DPY19L3: variants seen among roughly 807,000 people sequenced by gnomAD.
DPY19L3 encodes the protein protein C-mannosyl-transferase DPY19L3.
A neutral mutation model predicts 92.3 loss-of-function variants in DPY19L3; 51 were observed. That is an observed-to-expected ratio of 0.55 (90% CI 0.44 to 0.70). The LOEUF (loss-of-function observed/expected upper bound fraction) is 0.70. DPY19L3 is among the 30% of genes least tolerant of loss of function. The probability of loss-of-function intolerance (pLI) is 0.00; values close to 1 mark genes in which losing one functional copy is unlikely to be tolerated. For missense variants in DPY19L3, 706 were observed against 855.9 expected, an observed-to-expected ratio of 0.82 and a Z score of 2.18; for synonymous variants, 309 against 315.2, an observed-to-expected ratio of 0.98 and a Z score of 0.21.
chr19:32,477,600 C>T lies in DPY19L3; in HGVS notation c.1776C>T (p.Thr592=), dbSNP rs1338698356. 7 of 1,613,934 alleles carry T rather than the reference C, an allele frequency of 4.3e-6. No individual in the cohort carries two copies. The South Asian group carries it at 7.7e-5, about 18-fold the overall frequency. ...LAGVKLCTGR[T]LTNHPHYEDS... ...GAGTCAAGCTGTGCACGGGAAGGAC[C>T]CTAACCAACCACCCGCACTATGAAG... The change falls in exon 17 of 19, where the codon ACC becomes ACT. Residue 592 remains threonine, a synonymous_variant. Coordinates refer to ENST00000392250, the MANE Select transcript of DPY19L3 (RefSeq NM_001172774.2).
chr19:32,411,195 T>G (rs1349253176), intron 2 of DPY19L3, 44 bp from the exon 3 acceptor site: 1 of 1,575,818 alleles, frequency 6.3e-7, no homozygotes, highest in Admixed American at 1.8e-5. Flanking sequence ...ACATTCTGAT[T>G]TTTTTACTGA....
At chr19:32,431,055 T>C (rs1051869062) in intron 3 of DPY19L3, among the ~76,000 whole-genome samples, 6 of 152,258 alleles carry the variant, frequency 3.9e-5, no homozygotes, top group South Asian at 4.1e-4. Flanking sequence ...CTTTCCCCCA[T>C]TGGGTTTGTG....
chr19:32,416,762 AAG>A (rs1352375111), intron 3 of DPY19L3, among the ~76,000 whole-genome samples: 8 of 152,188 alleles, frequency 5.3e-5, no homozygotes, highest in Non-Finnish European at 1.0e-4. Flanking sequence ...GAGCCAACCA[AAG>A]AAGCTCTTCT....
At chr19:32,448,294 G>C (rs1342316260) in intron 8 of DPY19L3, among the ~76,000 whole-genome samples, 1 of 152,130 alleles carries the variant, frequency 6.6e-6, no homozygotes, top group Non-Finnish European at 1.5e-5. Context: ...TGGTTATTAT[G>C]AATGGTGATG....
rs1321458873 is a variant in DPY19L3, at chr19:32,483,214, C to T, written c.*974C>T. 1 of 152,204 alleles carries T rather than the reference C, an allele frequency of 6.6e-6. No homozygotes were observed. The highest frequency in any genetic ancestry group is 1.5e-5 in the Non-Finnish European group (1 of 68,004). The allele number at this position is 152,204 out of a possible 1,614,324, so 9.4% of individuals were successfully genotyped here. A position where few individuals can be genotyped will look rare whatever the true frequency, so the allele number is the denominator to read the frequency against. The stretch of plus-strand genomic sequence containing the variant: ...TCACTAATACAGTATTTTTAGCAGA[C>T]AGCATTTTCAGACAGCATTTTCATA... On this transcript the variant is annotated 3_prime_UTR_variant, in exon 19 of 19. Coordinates refer to ENST00000392250, the MANE Select transcript of DPY19L3 (RefSeq NM_001172774.2).
chr19:32,451,485 G>A (rs1382563220), intron 8 of DPY19L3, among the ~76,000 whole-genome samples: 1 of 152,142 alleles, frequency 6.6e-6, no homozygotes, highest in Non-Finnish European at 1.5e-5. Flanking sequence ...CTAAGCAAAA[G>A]CACTGAACTG....
chr19:32,457,449 C>T lies in DPY19L3; in HGVS notation c.1090-651C>T, dbSNP rs1969901256. 2.6e-5 allele frequency among the ~76,000 whole-genome samples: 4 copies of T among 152,274 alleles called. No individual in the cohort carries two copies. The South Asian group carries it at 8.3e-4, about 32-fold the overall frequency. ...ATCTCTAATGAATATATTGTGTGTACTGAACTCAATTTTAGCTTCATCTTT... is the reference window on the plus strand; with the variant it reads ...ATCTCTAATGAATATATTGTGTGTATTGAACTCAATTTTAGCTTCATCTTT... On this transcript the variant is annotated intron_variant, in intron 10 of 18. Coordinates refer to ENST00000392250, the MANE Select transcript of DPY19L3 (RefSeq NM_001172774.2).
rs71336904 is a variant in DPY19L3, at chr19:32,445,440, CAAAA to C, written c.855+5548_855+5551del. The stretch of plus-strand genomic sequence containing the variant: ...TGGGGGACAGAGCGAGACTTCATCT[CAAAA>C]AAAAAAAAAAAAAAAAACCATCAAC... On this transcript the variant is annotated intron_variant, in intron 8 of 18. Coordinates refer to ENST00000392250, the MANE Select transcript of DPY19L3 (RefSeq NM_001172774.2). Among the ~76,000 whole-genome samples the C allele has an allele frequency of 6.8e-3, 292 of 42,836 alleles. 9 individuals carry two copies. Among genetic ancestry groups the C allele is most frequent in the African/African-American group, 0.03 (259 of 8,734 alleles). The allele number at this position is 42,836 out of a possible 152,430, so 28.1% of individuals were successfully genotyped here.
At chr19:32,475,479 A>G (rs865949734) in intron 16 of DPY19L3, among the ~76,000 whole-genome samples, 2 of 152,244 alleles carry the variant, frequency 1.3e-5, no homozygotes, top group African/African-American at 2.4e-5. Flanking sequence ...AAGTTATCGT[A>G]TCGTTGATTG....
At chr19:32,444,795 A>G (rs1201716223) in intron 8 of DPY19L3, among the ~76,000 whole-genome samples, 1 of 151,740 alleles carries the variant, frequency 6.6e-6, no homozygotes, top group Non-Finnish European at 1.5e-5. Context: ...ATCAAAATCA[A>G]GGAGGGGCTG....
At chr19:32,453,458 G>A (rs1969771393) in intron 9 of DPY19L3, among the ~76,000 whole-genome samples, 182 bp downstream of exon 9, 1 of 152,116 alleles carries the variant, frequency 6.6e-6, no homozygotes, top group African/African-American at 2.4e-5. Flanking sequence ...AGCTTTCTGG[G>A]TCATCCTTTT....
At chr19:32,469,719 G>A (rs1263306223) in intron 16 of DPY19L3, among the ~76,000 whole-genome samples, 2 of 151,962 alleles carry the variant, frequency 1.3e-5, no homozygotes, top group Non-Finnish European at 2.9e-5. Flanking sequence ...TCTTATTTCT[G>A]CCGGCACTTT....
At chr19:32,412,381 TA>T (rs1968216436) in intron 3 of DPY19L3, 1 of 150,606 alleles carries the variant, frequency 6.6e-6, no homozygotes, top group Non-Finnish European at 1.5e-5. Context: ...TTTATATATA[TA>T]TATATATGCA....
intron 3 of DPY19L3, among the ~76,000 whole-genome samples, chr19:32,418,369 G>C (rs1968447321): frequency 6.6e-6 from 1 of 152,234 alleles, no homozygotes; most frequent in Non-Finnish European, 1.5e-5. Context: ...AGATTCGCTA[G>C]ATCAGCATTG....
At chr19:32,410,140 A>T (rs574525912) in intron 2 of DPY19L3, among the ~76,000 whole-genome samples, 1 of 152,214 alleles carries the variant, frequency 6.6e-6, no homozygotes, top group East Asian at 1.9e-4. Flanking sequence ...AGATTTAAGT[A>T]TAACTCACAG....
At chr19:32,449,567 G>T (rs1174727795) in intron 8 of DPY19L3, among the ~76,000 whole-genome samples, 2 of 152,076 alleles carry the variant, frequency 1.3e-5, no homozygotes, top group African/African-American at 4.8e-5. Context: ...ACTAGCAGAA[G>T]AATTGACATA....
At chr19:32,463,752 A>G in intron 13 of DPY19L3, 117 bp from the exon 14 acceptor site, 2 of 957,772 alleles carry the variant, frequency 2.1e-6, no homozygotes, top group South Asian at 1.6e-5. Flanking sequence ...TGGCATCTGC[A>G]TAGTTTTAAG....
chr19:32,459,596 C>A (rs1187885021), intron 12 of DPY19L3, among the ~76,000 whole-genome samples: 1 of 152,124 alleles, frequency 6.6e-6, no homozygotes, highest in African/African-American at 2.4e-5. Flanking sequence ...TTATTCTGGA[C>A]AGTGTGATTT....
At chr19:32,427,500 T>C (rs189403188) in intron 3 of DPY19L3, among the ~76,000 whole-genome samples, 213 of 152,330 alleles carry the variant, frequency 1.4e-3, no homozygotes, top group Non-Finnish European at 4.6e-4. Flanking sequence ...TATTGCCGAA[T>C]TTGCATGTCT....
Sources: gnomAD v4.1 joint callset for allele counts (sites outside exome capture counted in the v4.1 genomes callset) on GRCh38, gnomAD v4.1.1 for gene constraint, MANE v1.5 for transcripts, NCBI Gene and HGNC (gene_info 2026-07-23, HGNC 2026-07-21) for gene names.